Variants in ACAP2 observed in about 807,000 individuals in gnomAD.
ACAP2 encodes ArfGAP with coiled-coil, ankyrin repeat and PH domains 2.
In ACAP2, 39 loss-of-function variants were observed where a neutral mutation model predicts 115.8. The ratio of observed to expected loss-of-function variants is 0.34; its 90% CI spans 0.26 to 0.44. The LOEUF (loss-of-function observed/expected upper bound fraction) is 0.44. Ranked by LOEUF, ACAP2 falls within the 20% of genes least tolerant of loss-of-function variation. The pLI is 1.00. For missense variants in ACAP2, 662 were observed against 927.6 expected (o/e 0.71, Z 3.72); for synonymous variants, 289 against 315.8 (o/e 0.92, Z 0.90).
chr3:195,318,007 C>T (rs1168456109), intron 10 of ACAP2, among the ~76,000 whole-genome samples: 1 of 152,110 alleles, frequency 6.6e-6, no homozygotes, highest in Non-Finnish European at 1.5e-5. Context: ...GTCATGCAGG[C>T]GGTTTTCCCC....
In ACAP2 at chr3:195,275,415, A is replaced by G. The variant is rs1278317436; in HGVS notation, c.*3913T>C. 1 of 152,208 alleles carries G rather than the reference A, an allele frequency of 6.6e-6. No homozygotes were observed. The highest frequency in any genetic ancestry group is 6.5e-5 in the Admixed American group (1 of 15,284). The allele number at this position is 152,208 out of a possible 1,614,324, so 9.4% of individuals were successfully genotyped here. Reference sequence around the variant, plus strand: ...ATTACTTTTATAATGTTTTGCTTTCATTAATGTTTGTTATTGCAAAAATGT... The same window carrying G: ...ATTACTTTTATAATGTTTTGCTTTCGTTAATGTTTGTTATTGCAAAAATGT... On this transcript the variant is annotated 3_prime_UTR_variant, in exon 23 of 23. Coordinates refer to ENST00000326793, the MANE Select transcript of ACAP2 (RefSeq NM_012287.6).
intron 1 of ACAP2, among the ~76,000 whole-genome samples, chr3:195,429,942 TA>T (rs1714988028): frequency 6.6e-6 from 1 of 152,194 alleles, no homozygotes; most frequent in South Asian, 2.1e-4. Context: ...ACAACATTGG[TA>T]TTTGCTTAAA....
chr3:195,354,106 T>C (rs1731793174), intron 4 of ACAP2, among the ~76,000 whole-genome samples: 1 of 152,222 alleles, frequency 6.6e-6, no homozygotes, highest in African/African-American at 2.4e-5. Context: ...GGTTTTCTGT[T>C]CCTGTGTTAG....
At chr3:195,424,167 A>G (rs1714419102) in intron 1 of ACAP2, among the ~76,000 whole-genome samples, 2 of 150,450 alleles carry the variant, frequency 1.3e-5, no homozygotes, top group Non-Finnish European at 2.9e-5. Context: ...TAAATAGCAT[A>G]TATCTCGGAG....
intron 1 of ACAP2, among the ~76,000 whole-genome samples, chr3:195,411,819 A>T (rs1005962791): frequency 2.0e-5 from 3 of 151,942 alleles, no homozygotes; most frequent in Non-Finnish European, 4.4e-5. Flanking sequence ...TCAAGGCAGG[A>T]AGATCTCTTG....
At chr3:195,397,769 T>C (rs1444279866) in intron 1 of ACAP2, among the ~76,000 whole-genome samples, 1 of 152,152 alleles carries the variant, frequency 6.6e-6, no homozygotes, top group Non-Finnish European at 1.5e-5. Context: ...GTGAAAACAC[T>C]AAGTAGTCAG....
intron 4 of ACAP2, among the ~76,000 whole-genome samples, chr3:195,346,890 C>T (rs1431840852): frequency 6.6e-6 from 1 of 152,016 alleles, no homozygotes; most frequent in Non-Finnish European, 1.5e-5. Flanking sequence ...CTAAGTGAAA[C>T]AAAATTTGTA....
chr3:195,379,624 C>T (rs1176939730), intron 4 of ACAP2, among the ~76,000 whole-genome samples: 3 of 152,104 alleles, frequency 2.0e-5, no homozygotes, highest in Non-Finnish European at 2.9e-5. Flanking sequence ...AAGACCTCAT[C>T]TCTACCAAAA....
chr3:195,382,227 A>G (rs2108753222), intron 2 of ACAP2, among the ~76,000 whole-genome samples: 1 of 152,298 alleles, frequency 6.6e-6, no homozygotes, highest in African/African-American at 2.4e-5. Context: ...AGAAAAGTTG[A>G]CCATTTAGGA....
chr3:195,420,178 A>G (rs190369499), intron 1 of ACAP2, among the ~76,000 whole-genome samples: 1 of 152,210 alleles, frequency 6.6e-6, no homozygotes, highest in African/African-American at 2.4e-5. Flanking sequence ...ATTTTATGTT[A>G]ATTTCATTTC....
At chr3:195,296,446 T>C (rs116918329) in intron 16 of ACAP2, among the ~76,000 whole-genome samples, 1 of 152,244 alleles carries the variant, frequency 6.6e-6, no homozygotes, top group East Asian at 1.9e-4. Context: ...TCTTAAAAAG[T>C]TTAGGTCTTT....
chr3:195,284,701 AGAT>A (rs1178552287), intron 22 of ACAP2, among the ~76,000 whole-genome samples: 1 of 152,258 alleles, frequency 6.6e-6, no homozygotes, highest in African/African-American at 2.4e-5. Context: ...CAGGAAGAAG[AGAT>A]GATATTACCA....
chr3:195,356,503 C>T (rs192004383), intron 4 of ACAP2, among the ~76,000 whole-genome samples: 53 of 152,230 alleles, frequency 3.5e-4, no homozygotes, highest in African/African-American at 1.2e-3. Flanking sequence ...CCAGCCAATG[C>T]GGCTAAGGGA....
Position 195,310,490 on chromosome 3 carries a change from C to T in ACAP2, c.858-1653G>A, listed in dbSNP as rs1209208285. ...AAACAATCTCTGATACTGATGAAAGCGTTTGTGTAAAAATCATTTGAAGTA... is the reference window on the plus strand; with the variant it reads ...AAACAATCTCTGATACTGATGAAAGTGTTTGTGTAAAAATCATTTGAAGTA... On this transcript the variant is annotated intron_variant, in intron 10 of 22. Transcript: ENST00000326793. 2.6e-5 allele frequency among the ~76,000 whole-genome samples: 4 copies of T among 152,298 alleles called. No individual in the cohort carries two copies. In the East Asian group the frequency reaches 7.7e-4, roughly 29 times the overall value.
intron 1 of ACAP2, among the ~76,000 whole-genome samples, chr3:195,397,386 AAG>A (rs1197954148): frequency 6.6e-6 from 1 of 152,182 alleles, no homozygotes; most frequent in Admixed American, 6.5e-5. Context: ...GTGGTTAAAA[AAG>A]AGTGACGAAA....
chr3:195,280,302 T>C (rs1370551323), intron 22 of ACAP2, among the ~76,000 whole-genome samples: 1 of 152,008 alleles, frequency 6.6e-6, no homozygotes, highest in Non-Finnish European at 1.5e-5. Context: ...TGAAACCCTG[T>C]CTCTACTAAA....
In ACAP2 at chr3:195,285,901, T is replaced by C. The variant is rs563799427; in HGVS notation, c.2175-44A>G. 6.2e-5 allele frequency: 85 copies of C among 1,365,960 alleles called. 1 individual carries two copies. The South Asian group carries it at 9.2e-4, about 15-fold the overall frequency. The allele number at this position is 1,365,960 out of a possible 1,614,324, so 84.6% of individuals were successfully genotyped here. On this transcript the variant is annotated intron_variant, in intron 21 of 22. Coordinates refer to ENST00000326793, the MANE Select transcript of ACAP2 (RefSeq NM_012287.6). ...GTGTTTTAGATGACATTATATAATATAAATGTCATAAATAAAGTCTATAAA... is the reference window on the plus strand; with the variant it reads ...GTGTTTTAGATGACATTATATAATACAAATGTCATAAATAAAGTCTATAAA...
chr3:195,423,870 G>T (rs1257318835), intron 1 of ACAP2, among the ~76,000 whole-genome samples: 1 of 151,750 alleles, frequency 6.6e-6, no homozygotes, highest in Admixed American at 6.6e-5. Context: ...TAGAAATGAT[G>T]ATATAATTTG....
chr3:195,303,183 G>A (rs1357796927), intron 13 of ACAP2, among the ~76,000 whole-genome samples: 1 of 151,772 alleles, frequency 6.6e-6, no homozygotes, highest in Non-Finnish European at 1.5e-5. Context: ...GTTGACAAGA[G>A]TGAGACTCCA....
Sources: allele counts gnomAD v4.1 joint callset (sites outside exome capture counted in the v4.1 genomes callset), GRCh38; gene constraint gnomAD v4.1.1; transcripts MANE v1.5; gene names NCBI Gene and HGNC (gene_info 2026-07-23, HGNC 2026-07-21).